The following C3orf33 variants were observed in gnomAD, a reference collection of about 807,000 sequenced individuals.
C3orf33 encodes the protein mitochondrial inner membrane subdomain organizer 1.
In C3orf33, 23 loss-of-function variants were observed where a neutral mutation model predicts 28.7. The ratio of observed to expected loss-of-function variants is 0.80; its 90% CI spans 0.58 to 1.13. The LOEUF is 1.13. C3orf33 is among the 50% of genes most tolerant of loss of function. The pLI is 0.00. For missense variants in C3orf33, 327 were observed against 353.4 expected, an observed-to-expected ratio of 0.93 and a Z score of 0.60; for synonymous variants, 119 against 120.5, an observed-to-expected ratio of 0.99 and a Z score of 0.08.
chr3:155,802,385 C>G lies in C3orf33; in HGVS notation c.174+147G>C, dbSNP rs73003544. The G allele has an allele frequency of 5.5e-3, 3,159 of 575,296 alleles. 85 individuals are homozygous for G. In the African/African-American group the frequency reaches 0.056, roughly 10 times the overall value. 35.6% of individuals were successfully genotyped at this position (575,296 alleles called of 1,614,324 possible). ...GGATGTGTTATATTTAAACCAAGAC[C>G]TTAAAATATGTTCATTGTTCTAAAA... On this transcript the variant is annotated intron_variant, in intron 2 of 4. Coordinates refer to ENST00000340171, the MANE Select transcript of C3orf33 (RefSeq NM_001308229.2).
chr3:155,764,643 G>T (rs976676809), intron 4 of C3orf33, among the ~76,000 whole-genome samples: 7 of 151,754 alleles, frequency 4.6e-5, no homozygotes, highest in Non-Finnish European at 8.8e-5. Flanking sequence ...ACAAGGTCAG[G>T]AGTTCGAGAC....
At position 155,775,770 on chromosome 3, in the gene C3orf33, G is replaced by A. The variant is rs372471912; in HGVS notation, c.253C>T (p.Arg85Ter). The A allele has an allele frequency of 1.5e-5, 24 of 1,591,838 alleles. No individual in the cohort carries two copies. Among genetic ancestry groups the A allele is most frequent in the South Asian group, 3.3e-5 (3 of 89,914 alleles). ...RNVKLRGRLR[R>*]ITENGLEIEH... is the part of the protein sequence containing the mutation. ...ATTTCTAAACCATTCTCAGTTATTC[G>A]GCGTAATCGTCCACGTAGTTTAACA... The change falls in exon 3 of 5, where the codon CGA becomes TGA. Residue 85 changes from arginine (R) to a stop codon, truncating the protein, a stop_gained. Transcript: ENST00000340171. LOFTEE classifies it high-confidence loss of function.
rs775484907 is a variant in C3orf33 at position 155,775,714 on chromosome 3, T to C, written c.309A>G (p.Ile103Met). 30 of 1,554,106 alleles carry C rather than the reference T, an allele frequency of 1.9e-5. No individual in the cohort carries two copies. In the Admixed American group the frequency reaches 4.8e-4, roughly 25 times the overall value. Residue 103 changes from isoleucine (I) to methionine (M), a missense_variant, in exon 3 of 5, where the codon ATA becomes ATG. Transcript: ENST00000340171. ...IEHIPITLPI[I>M]ASLRKEPRGA... ...TACCTTACTTACTTCTCAATGAAGC[T>C]ATAATAGGTAAAGTAATAGGTATAT...
chr3:155,798,931 A>T (rs981791003), intron 2 of C3orf33, among the ~76,000 whole-genome samples: 1 of 152,204 alleles, frequency 6.6e-6, no homozygotes. Context: ...CAGGAAAAAA[A>T]ATCTAACGAT....
intron 2 of C3orf33, among the ~76,000 whole-genome samples, chr3:155,787,111 C>T (rs1013812855): frequency 1.3e-5 from 2 of 152,146 alleles, no homozygotes; most frequent in African/African-American, 2.4e-5. Context: ...CAAAGCCAGA[C>T]AAAGACACTG....
chr3:155,802,785 T>C (rs1281863231), intron 1 of C3orf33, among the ~76,000 whole-genome samples, 194 bp from the exon 2 acceptor site: 2 of 152,166 alleles, frequency 1.3e-5, no homozygotes, highest in East Asian at 1.9e-4. Context: ...TTTTAACTTT[T>C]ATAGTACTCA....
intron 3 of C3orf33, among the ~76,000 whole-genome samples, chr3:155,769,865 T>A (rs1320651992): frequency 6.6e-6 from 1 of 152,236 alleles, no homozygotes; most frequent in African/African-American, 2.4e-5. Context: ...AGAGCCTCTC[T>A]TCTTATTTGG....
intron 2 of C3orf33, among the ~76,000 whole-genome samples, chr3:155,792,684 AT>A (rs1463280759): frequency 2.0e-5 from 3 of 152,278 alleles, no homozygotes; most frequent in African/African-American, 7.2e-5. Flanking sequence ...GAAAAATGCA[AT>A]TGACATATTG....
intron 2 of C3orf33, among the ~76,000 whole-genome samples, chr3:155,796,097 A>G (rs1482792766): frequency 2.0e-5 from 3 of 152,176 alleles, no homozygotes; most frequent in Non-Finnish European, 4.4e-5. Flanking sequence ...ATTTAAAAGA[A>G]TTAGAAAAGC....
chr3:155,771,927 A>T (rs995247643), intron 3 of C3orf33, among the ~76,000 whole-genome samples: 9 of 152,188 alleles, frequency 5.9e-5, no homozygotes, highest in Admixed American at 5.9e-4. Context: ...GAACTTGGCC[A>T]GGTGCAGTGG....
intron 2 of C3orf33, among the ~76,000 whole-genome samples, chr3:155,785,350 G>A (rs964690489): frequency 7.2e-5 from 11 of 151,876 alleles, no homozygotes; most frequent in African/African-American, 1.7e-4. Context: ...AAAATAAATC[G>A]CTTAGATCTA....
chr3:155,797,028 T>C (rs111467134), intron 2 of C3orf33, among the ~76,000 whole-genome samples: 48 of 152,144 alleles, frequency 3.2e-4, no homozygotes, highest in African/African-American at 1.1e-3. Flanking sequence ...CCGCCTCTAC[T>C]AAAAATACAA....
chr3:155,763,827 T>C lies in C3orf33; in HGVS notation c.575A>G (p.Lys192Arg). ...GTTTCTGTGAACTGTCCAGTAGATT[T>C]TAGAATCATATTTAAGCCCTTTAAC... is the stretch of plus-strand genomic sequence containing the variant. The part of the protein sequence containing the change: ...VLVKGLKYDS[K>R]IYWTVHRNLL... Residue 192 changes from lysine (K) to arginine (R), a missense_variant, in exon 5 of 5, where the codon AAA becomes AGA. By Grantham distance (26) the Lys-to-Arg change is conservative. Coordinates refer to ENST00000340171, the MANE Select transcript of C3orf33 (RefSeq NM_001308229.2). 6.3e-7 allele frequency: 1 copy of C among 1,578,864 alleles called. No individual in the cohort carries two copies. Among genetic ancestry groups the C allele is most frequent in the Non-Finnish European group, 8.6e-7 (1 of 1,168,354 alleles).
intron 2 of C3orf33, among the ~76,000 whole-genome samples, chr3:155,782,504 G>A (rs559520802): frequency 8.5e-5 from 13 of 152,140 alleles, no homozygotes; most frequent in Non-Finnish European, 1.8e-4. Context: ...CAGCAAGAAA[G>A]AAGCAATTTG....
chr3:155,776,377 T>C (rs892882651), intron 2 of C3orf33, among the ~76,000 whole-genome samples: 3 of 152,144 alleles, frequency 2.0e-5, no homozygotes, highest in African/African-American at 7.2e-5. Context: ...TGTACTACAA[T>C]CCCTAACACT....
Position 155,762,887 on chromosome 3 carries a change from G to A in C3orf33, c.*630C>T. On this transcript the variant is annotated 3_prime_UTR_variant, in exon 5 of 5. Transcript: ENST00000340171. ...TCCATGTCAAAACAAAAAAAGCCGG[G>A]CTTGGTAGCTCACGCCTGTAATCCC... The A allele has an allele frequency of 6.6e-6, 1 of 150,924 alleles. No homozygotes were observed. The highest frequency in any genetic ancestry group is 1.5e-5 in the Non-Finnish European group (1 of 67,844). 9.3% of individuals were successfully genotyped at this position (150,924 alleles called of 1,614,324 possible).
chr3:155,774,570 G>C (rs1750682827), intron 3 of C3orf33, among the ~76,000 whole-genome samples: 1 of 151,916 alleles, frequency 6.6e-6, no homozygotes, highest in Admixed American at 6.6e-5. Context: ...AACCTGTCCA[G>C]TCTGCAGCCT....
At chr3:155,791,055 G>A (rs1751300332) in intron 2 of C3orf33, among the ~76,000 whole-genome samples, 2 of 152,172 alleles carry the variant, frequency 1.3e-5, no homozygotes, top group Admixed American at 1.3e-4. Flanking sequence ...AGCCCCAGGA[G>A]AGATTCCTTC....
chr3:155,783,402 A>C (rs1750999234), intron 2 of C3orf33, among the ~76,000 whole-genome samples: 1 of 148,882 alleles, frequency 6.7e-6, no homozygotes, highest in Non-Finnish European at 1.5e-5. Context: ...TGATCCACCC[A>C]CCTCATCCAC....
Sources: gnomAD v4.1 joint callset for allele counts (sites outside exome capture counted in the v4.1 genomes callset) on GRCh38, gnomAD v4.1.1 for gene constraint, MANE v1.5 for transcripts, NCBI Gene and HGNC (gene_info 2026-07-23, HGNC 2026-07-21) for gene names.